Variants in KCNC2 observed in about 807,000 individuals in gnomAD.
KCNC2 encodes potassium voltage-gated channel subfamily C member 2, also known as voltage-gated potassium channel KCNC2.
Under a neutral mutation model 44.5 loss-of-function variants are expected in KCNC2, and 21 were observed. The observed-to-expected ratio is 0.47, with a 90% CI of 0.33 to 0.68. The LOEUF is 0.68. Ranked by LOEUF, KCNC2 falls within the 30% of genes least tolerant of loss-of-function variation. KCNC2 has a pLI of 0.01. For missense variants in KCNC2, 589 were observed against 826.2 expected, an observed-to-expected ratio of 0.71 and a Z score of 3.52; for synonymous variants, 391 against 339.1, an observed-to-expected ratio of 1.15 and a Z score of -1.68.
In KCNC2 at chr12:75,050,508, A is replaced by G. The variant is rs1360527035; in HGVS notation, c.1497T>C (p.Pro499=). The G allele has an allele frequency of 8.1e-6, 13 of 1,613,700 alleles. No individual in the cohort carries two copies. The East Asian group carries it at 2.5e-4, about 30-fold the overall frequency. Residue 499 remains proline, a synonymous_variant, in exon 3 of 5, where the codon CCT becomes CCC. Coordinates refer to ENST00000549446, the MANE Select transcript of KCNC2 (RefSeq NM_139137.4). ...AAGTAGGTGAGCTTGCCTGAGGAGC[A>G]GGAGGGATGTGCTTCTTTCTTTTCC... ...LPRKRKKHIP[P]APQASSPTFC...
rs201089343 is a variant in KCNC2, at chr12:75,050,507, C to G, written c.1498G>C (p.Ala500Pro). The G allele has an allele frequency of 8.7e-6, 14 of 1,613,580 alleles. No individual in the cohort carries two copies. The East Asian group carries it at 3.1e-4, about 36-fold the overall frequency. ...AAAGTAGGTGAGCTTGCCTGAGGAG[C>G]AGGAGGGATGTGCTTCTTTCTTTTC... ...PRKRKKHIPP[A>P]PQASSPTFCK... The change falls in exon 3 of 5, where the codon GCT (alanine) becomes CCT (proline). Residue 500 changes from alanine (A) to proline (P), a missense_variant. Physicochemically the swap from Ala to Pro is conservative, Grantham distance 27 (BLOSUM62 -1). Coordinates refer to ENST00000549446, the MANE Select transcript of KCNC2 (RefSeq NM_139137.4).
chr12:75,194,172 A>C (rs1186770025), intron 2 of KCNC2, among the ~76,000 whole-genome samples: 3 of 152,190 alleles, frequency 2.0e-5, no homozygotes, highest in Non-Finnish European at 4.4e-5. Flanking sequence ...CTCAGAATTA[A>C]ATTTTAGCTA....
chr12:75,101,850 T>A (rs1021220350), intron 2 of KCNC2, among the ~76,000 whole-genome samples: 1 of 152,142 alleles, frequency 6.6e-6, no homozygotes, highest in Non-Finnish European at 1.5e-5. Flanking sequence ...TTGAAATTGC[T>A]AGAAAATGAG....
chr12:75,155,707 G>A (rs2137492940), intron 2 of KCNC2, among the ~76,000 whole-genome samples: 1 of 151,690 alleles, frequency 6.6e-6, no homozygotes, highest in East Asian at 2.0e-4. Flanking sequence ...GCAAGAGAAA[G>A]AACAGAAGAT....
intron 2 of KCNC2, among the ~76,000 whole-genome samples, chr12:75,181,233 CA>C (rs531897734): frequency 8.9e-4 from 136 of 152,174 alleles, no homozygotes; most frequent in African/African-American, 3.1e-3. Context: ...GGAAAAAAAA[CA>C]GTAATTTTCC....
chr12:75,192,955 C>T (rs1456329324), intron 2 of KCNC2, among the ~76,000 whole-genome samples: 1 of 152,122 alleles, frequency 6.6e-6, no homozygotes, highest in African/African-American at 2.4e-5. Context: ...GAAATTTATT[C>T]ATTAGCCAGA....
At chr12:75,083,244 T>C (rs1200856996) in intron 2 of KCNC2, among the ~76,000 whole-genome samples, 1 of 151,788 alleles carries the variant, frequency 6.6e-6, no homozygotes, top group Non-Finnish European at 1.5e-5. Flanking sequence ...CTATTTTAAT[T>C]CATAACAGGA....
intron 2 of KCNC2, among the ~76,000 whole-genome samples, chr12:75,157,374 C>T (rs937182971): frequency 7.2e-5 from 11 of 151,908 alleles, no homozygotes; most frequent in Admixed American, 1.3e-4. Flanking sequence ...GAAACCTAAG[C>T]TTTGACATCC....
intron 2 of KCNC2, among the ~76,000 whole-genome samples, chr12:75,166,598 A>G (rs893821974): frequency 6.6e-6 from 1 of 151,346 alleles, no homozygotes; most frequent in African/African-American, 2.4e-5. Flanking sequence ...AAGTATTAAA[A>G]TTATACAAAC....
Position 75,092,414 on chromosome 12 carries a change from T to A in KCNC2, c.688-41097A>T, listed in dbSNP as rs1236830591. Among the ~76,000 whole-genome samples, 3 of 151,824 alleles carry A rather than the reference T, an allele frequency of 2.0e-5. No homozygotes were observed. The East Asian group carries it at 5.8e-4, about 29-fold the overall frequency. On this transcript the variant is annotated intron_variant, in intron 2 of 4. Transcript: ENST00000549446. ...ATAATTAAATAGCAAAATAGACTAA[T>A]GCTTATATGGCTAACATAAAATTAT...
chr12:75,132,067 G>T (rs1403136231), intron 2 of KCNC2, among the ~76,000 whole-genome samples: 3 of 152,114 alleles, frequency 2.0e-5, no homozygotes, highest in Non-Finnish European at 4.4e-5. Context: ...AAATTTTACA[G>T]CTGAGTATAA....
chr12:75,064,031 C>A (rs1027389642), intron 2 of KCNC2, among the ~76,000 whole-genome samples: 2 of 151,960 alleles, frequency 1.3e-5, no homozygotes, highest in African/African-American at 4.8e-5. Context: ...AAAATGATTT[C>A]TTAGCCATAA....
chr12:75,070,404 T>C (rs990290352), intron 2 of KCNC2, among the ~76,000 whole-genome samples: 24 of 150,704 alleles, frequency 1.6e-4, no homozygotes, highest in African/African-American at 5.9e-4. Flanking sequence ...TGAGCCGAGA[T>C]TGCACCATTG....
chr12:75,075,782 A>C (rs1447474699), intron 2 of KCNC2, among the ~76,000 whole-genome samples: 1 of 152,106 alleles, frequency 6.6e-6, no homozygotes, highest in Non-Finnish European at 1.5e-5. Context: ...CAATAAGTGT[A>C]TCTGGAAAGA....
At chr12:75,122,730 T>C (rs866089720) in intron 2 of KCNC2, among the ~76,000 whole-genome samples, 31 of 152,278 alleles carry the variant, frequency 2.0e-4, no homozygotes, top group Middle Eastern at 3.4e-3. Context: ...TATGAAATAT[T>C]CATTATCATC....
chr12:75,131,257 A>C (rs1448860679), intron 2 of KCNC2, among the ~76,000 whole-genome samples: 3 of 152,232 alleles, frequency 2.0e-5, no homozygotes, highest in Admixed American at 6.5e-5. Flanking sequence ...AAATCAAAAA[A>C]GTACATATGA....
intron 2 of KCNC2, among the ~76,000 whole-genome samples, chr12:75,164,290 C>G (rs1891308637): frequency 6.6e-6 from 1 of 151,592 alleles, no homozygotes; most frequent in Non-Finnish European, 1.5e-5. Flanking sequence ...GCCTAACACA[C>G]CCTAACCTAA....
rs947864358 is a variant in KCNC2 at position 75,040,199 on chromosome 12, A to C, written c.*2906T>G. Reference sequence around the variant, plus strand: ...CATCAAGGTTGTGCATGCGCCTTGAAATGTTCACAAAAGGTCCACGATACA... The same window carrying C: ...CATCAAGGTTGTGCATGCGCCTTGACATGTTCACAAAAGGTCCACGATACA... On this transcript the variant is annotated 3_prime_UTR_variant, in exon 5 of 5. Coordinates refer to ENST00000549446, the MANE Select transcript of KCNC2 (RefSeq NM_139137.4). 3.3e-5 allele frequency: 5 copies of C among 151,994 alleles called. No individual in the cohort carries two copies. Among genetic ancestry groups the C allele is most frequent in the African/African-American group, 9.7e-5 (4 of 41,418 alleles). The allele number at this position is 151,994 out of a possible 1,614,324, so 9.4% of individuals were successfully genotyped here.
intron 2 of KCNC2, among the ~76,000 whole-genome samples, chr12:75,073,258 C>A (rs1883596258): frequency 1.3e-5 from 2 of 152,100 alleles, no homozygotes; most frequent in South Asian, 2.1e-4. Context: ...GCATTCAGTT[C>A]TTTTTAAAAT....
Sources: allele counts gnomAD v4.1 joint callset (sites outside exome capture counted in the v4.1 genomes callset), GRCh38; gene constraint gnomAD v4.1.1; transcripts MANE v1.5; gene names NCBI Gene and HGNC (gene_info 2026-07-23, HGNC 2026-07-21).